Variants in NTNG1 observed in about 807,000 individuals in gnomAD.
NTNG1 encodes the protein netrin-G1.
A neutral mutation model predicts 54.0 loss-of-function variants in NTNG1; 16 were observed. The ratio of observed to expected loss-of-function variants is 0.30; its 90% confidence interval spans 0.20 to 0.45. NTNG1 has a LOEUF of 0.45. NTNG1 is among the 20% of genes least tolerant of loss of function. The pLI, the probability that NTNG1 is intolerant of heterozygous loss-of-function variation, is 1.00. For missense variants in NTNG1, 530 were observed against 678.7 expected, an observed-to-expected ratio of 0.78 and a Z score of 2.43; for synonymous variants, 255 against 263.1, an observed-to-expected ratio of 0.97 and a Z score of 0.30.
At chr1:107,456,800 A>C (rs1042676397) in intron 7 of NTNG1, among the ~76,000 whole-genome samples, 2 of 152,198 alleles carry the variant, frequency 1.3e-5, no homozygotes, top group Non-Finnish European at 2.9e-5. Flanking sequence ...TCAGTCCCCA[A>C]GTTGGATGAC....
At chr1:107,271,564 GAATCCAA>G (rs1664145991) in intron 2 of NTNG1, among the ~76,000 whole-genome samples, 1 of 152,100 alleles carries the variant, frequency 6.6e-6, no homozygotes, top group East Asian at 1.9e-4. Context: ...CGAAGAATAA[GAATCCAA>G]AATAGCTTCG....
intron 2 of NTNG1, among the ~76,000 whole-genome samples, chr1:107,247,538 G>A (rs1426136050): frequency 3.3e-5 from 5 of 152,110 alleles, no homozygotes; most frequent in Non-Finnish European, 7.4e-5. Flanking sequence ...ACCTATGCTC[G>A]AAAACATGGA....
At position 107,356,374 on chromosome 1, in the gene NTNG1, A is replaced by G. The variant is rs531027840; in HGVS notation, c.887+31452A>G. On this transcript the variant is annotated intron_variant, in intron 3 of 7. Coordinates refer to ENST00000370068, the MANE Select transcript of NTNG1 (RefSeq NM_001113226.3). ...AGTGGCACAATCTCAGCTGACTGCAACCTCCACCTCCCAGGTTCAAGTGAT... is the reference window on the plus strand; with the variant it reads ...AGTGGCACAATCTCAGCTGACTGCAGCCTCCACCTCCCAGGTTCAAGTGAT... Among the ~76,000 whole-genome samples, 858 of 152,094 alleles carry G rather than the reference A, an allele frequency of 5.6e-3. 8 individuals are homozygous for G. Among genetic ancestry groups the G allele is most frequent in the African/African-American group, 0.02 (810 of 41,524 alleles).
Position 107,273,597 on chromosome 1 carries a change from C to T in NTNG1, c.247-50685C>T, listed in dbSNP as rs572253229. Among the ~76,000 whole-genome samples the T allele has an allele frequency of 3.9e-5, 6 of 152,310 alleles. No homozygotes were observed. The East Asian group carries it at 1.2e-3, about 29-fold the overall frequency. On this transcript the variant is annotated intron_variant, in intron 2 of 7. Coordinates refer to ENST00000370068, the MANE Select transcript of NTNG1 (RefSeq NM_001113226.3). ...CCAGTCTGCCACAGAATGCCTCATG[C>T]GGTGACTTATACCTAGTAGGTGCTG...
intron 2 of NTNG1, among the ~76,000 whole-genome samples, chr1:107,275,494 AG>A (rs1198190740): frequency 2.0e-5 from 3 of 152,234 alleles, no homozygotes; most frequent in Non-Finnish European, 4.4e-5. Context: ...CTGTAGACCC[AG>A]GAGAGGCAAT....
intron 2 of NTNG1, among the ~76,000 whole-genome samples, chr1:107,163,749 C>T (rs1026946774): frequency 6.6e-6 from 1 of 152,008 alleles, no homozygotes; most frequent in Non-Finnish European, 1.5e-5. Flanking sequence ...GAAATGTCTA[C>T]GAACGATGTA....
At position 107,379,336 on chromosome 1, in the gene NTNG1, C is replaced by T. The variant is rs1671500171; in HGVS notation, c.888-15818C>T. ...GAATTGTAAAGACCTATAAGACTTC[C>T]AGAACCTTCCACCTTCGTTTCAGAT... On this transcript the variant is annotated intron_variant, in intron 3 of 7. Coordinates refer to ENST00000370068, the MANE Select transcript of NTNG1 (RefSeq NM_001113226.3). Among the ~76,000 whole-genome samples the T allele has an allele frequency of 2.6e-5, 4 of 152,314 alleles. 1 individual carries two copies. The South Asian group carries it at 6.2e-4, about 24-fold the overall frequency.
At chr1:107,223,276 G>A (rs756656541) in intron 2 of NTNG1, among the ~76,000 whole-genome samples, 4 of 152,056 alleles carry the variant, frequency 2.6e-5, no homozygotes, top group African/African-American at 7.2e-5. Context: ...GTGTGCGCAT[G>A]TGTGTGAAGG....
chr1:107,157,907 A>G (rs1461320505), intron 2 of NTNG1, among the ~76,000 whole-genome samples: 1 of 152,142 alleles, frequency 6.6e-6, no homozygotes, highest in East Asian at 1.9e-4. Context: ...CATAGAACAG[A>G]TATCATTTCA....
At chr1:107,214,846 C>T (rs976911888) in intron 2 of NTNG1, among the ~76,000 whole-genome samples, 2 of 150,238 alleles carry the variant, frequency 1.3e-5, no homozygotes, top group Non-Finnish European at 2.9e-5. Flanking sequence ...GAGGTGGTAT[C>T]ACATTGTGGT....
At chr1:107,284,221 T>C (rs1416464724) in intron 2 of NTNG1, among the ~76,000 whole-genome samples, 2 of 152,108 alleles carry the variant, frequency 1.3e-5, no homozygotes, top group Non-Finnish European at 2.9e-5. Context: ...TATTGATTGT[T>C]ACAGAAGAGC....
chr1:107,430,700 T>C (rs1207314554), intron 5 of NTNG1, 50 bp from the exon 6 acceptor site: 3 of 1,581,356 alleles, frequency 1.9e-6, no homozygotes, highest in Non-Finnish European at 2.6e-6. Context: ...AGTATGCTAT[T>C]ACTCTGCTAC....
At chr1:107,332,132 T>C (rs1321364322) in intron 3 of NTNG1, among the ~76,000 whole-genome samples, 1 of 152,122 alleles carries the variant, frequency 6.6e-6, no homozygotes, top group Non-Finnish European at 1.5e-5. Context: ...TTAGAAAATC[T>C]TGAATTATAA....
At chr1:107,403,200 A>C (rs1673154397) in intron 4 of NTNG1, among the ~76,000 whole-genome samples, 1 of 152,148 alleles carries the variant, frequency 6.6e-6, no homozygotes, top group South Asian at 2.1e-4. Context: ...GAATATCTTT[A>C]AAACAAACGT....
chr1:107,426,084 T>C (rs781555271), intron 5 of NTNG1, among the ~76,000 whole-genome samples: 1 of 152,068 alleles, frequency 6.6e-6, no homozygotes, highest in Non-Finnish European at 1.5e-5. Context: ...CATTGGTCTT[T>C]AGAGGCATAA....
At chr1:107,190,912 C>A (rs901998659) in intron 2 of NTNG1, among the ~76,000 whole-genome samples, 1 of 152,112 alleles carries the variant, frequency 6.6e-6, no homozygotes, top group South Asian at 2.1e-4. Flanking sequence ...TTTATAGCAG[C>A]ATGATTTATA....
chr1:107,158,048 T>C (rs1236774724), intron 2 of NTNG1, among the ~76,000 whole-genome samples: 1 of 152,138 alleles, frequency 6.6e-6, no homozygotes, highest in Non-Finnish European at 1.5e-5. Flanking sequence ...GTTCCTATTA[T>C]AAGAACTTGG....
At chr1:107,259,996 T>G (rs1319823376) in intron 2 of NTNG1, among the ~76,000 whole-genome samples, 1 of 152,102 alleles carries the variant, frequency 6.6e-6, no homozygotes, top group South Asian at 2.1e-4. Context: ...AGAGCCGAGA[T>G]AGTAAAAATG....
At chr1:107,191,521 G>A (rs993794724) in intron 2 of NTNG1, among the ~76,000 whole-genome samples, 1 of 152,088 alleles carries the variant, frequency 6.6e-6, no homozygotes, top group Non-Finnish European at 1.5e-5. Context: ...GTCCTCAATG[G>A]TATTGCCTAG....
Sources: allele counts gnomAD v4.1 joint callset (sites outside exome capture counted in the v4.1 genomes callset), GRCh38; gene constraint gnomAD v4.1.1; transcripts MANE v1.5; gene names NCBI Gene and HGNC (gene_info 2026-07-23, HGNC 2026-07-21).